The following ARID2 variants were observed in gnomAD, a reference collection of about 807,000 sequenced individuals.
The protein encoded by ARID2 is AT-rich interactive domain-containing protein 2.
ARID2 carries 32 observed loss-of-function variants against 184.6 expected under a neutral mutation model. That is an observed-to-expected ratio of 0.17 (90% CI 0.13 to 0.23). The LOEUF (loss-of-function observed/expected upper bound fraction) is 0.23, where lower values mean the gene tolerates loss of function less well. Among genes scored for constraint, ARID2 ranks in the 10% least tolerant of loss-of-function variants. The probability of loss-of-function intolerance (pLI) is 1.00; values close to 1 mark genes in which losing one functional copy is unlikely to be tolerated. For missense variants in ARID2, 1,696 were observed against 2,197.6 expected, an observed-to-expected ratio of 0.77 and a Z score of 4.56; for synonymous variants, 836 against 772.6, an observed-to-expected ratio of 1.08 and a Z score of -1.36.
chr12:45,806,836 C>G (rs1328334775), intron 3 of ARID2, among the ~76,000 whole-genome samples: 1 of 152,198 alleles, frequency 6.6e-6, no homozygotes, highest in Non-Finnish European at 1.5e-5. Flanking sequence ...ATAGTTGCTT[C>G]ACATCCCCTT....
rs1436039372 is a variant in ARID2 at position 45,850,925 on chromosome 12, A to G, written c.2802A>G (p.Gln934=). ...TAGTGATTGTAAGCCAGCCAGCTCA[A>G]CAAGGTCAAACTTATGCACCAGCCA... ...QSVVIVSQPA[Q]QGQTYAPAIH... Residue 934 remains glutamine, a synonymous_variant, in exon 15 of 21, where the codon CAA becomes CAG. Coordinates refer to ENST00000334344, the MANE Select transcript of ARID2 (RefSeq NM_152641.4). 3 of 1,614,174 alleles carry G rather than the reference A, an allele frequency of 1.9e-6. No homozygotes were observed. Among genetic ancestry groups the G allele is most frequent in the Middle Eastern group, 1.6e-4 (1 of 6,062 alleles).
Position 45,875,238 on chromosome 12 carries a change from G to A in ARID2, c.4922+14289G>A, listed in dbSNP as rs528042083. Among the ~76,000 whole-genome samples, 10 of 152,300 alleles carry A rather than the reference G, an allele frequency of 6.6e-5. No individual in the cohort carries two copies. In the South Asian group the frequency reaches 2.1e-3, roughly 32 times the overall value. ...TGTAGAGCTCCATCAGAGCTCTTGG[G>A]CACCTAGATACATTGTCAGTGAGTG... On this transcript the variant is annotated intron_variant, in intron 16 of 20. Transcript: ENST00000334344.
At chr12:45,746,525 A>T (rs535810646) in intron 3 of ARID2, among the ~76,000 whole-genome samples, 1 of 152,276 alleles carries the variant, frequency 6.6e-6, no homozygotes, top group East Asian at 1.9e-4. Flanking sequence ...ATGAAACTTT[A>T]ATAGTATACT....
rs927879377 is a variant in ARID2, at chr12:45,797,713, T to TA, written c.285-13697dup. Among the ~76,000 whole-genome samples, 540 of 151,876 alleles carry TA rather than the reference T, an allele frequency of 3.6e-3. 5 individuals carry two copies. Among genetic ancestry groups the TA allele is most frequent in the African/African-American group, 0.012 (507 of 41,470 alleles). ...GGAATTTGCTTAGTATGGCATGAGGTAAAAAAAATTAATTTTTTTTGTTTT... is the reference window on the plus strand; with the variant it reads ...GGAATTTGCTTAGTATGGCATGAGGTAAAAAAAAATTAATTTTTTTTGTTTT... On this transcript the variant is annotated intron_variant, in intron 3 of 20. Transcript: ENST00000334344.
chr12:45,759,813 C>G (rs892536255), intron 3 of ARID2, among the ~76,000 whole-genome samples: 2 of 152,150 alleles, frequency 1.3e-5, no homozygotes, highest in African/African-American at 4.8e-5. Flanking sequence ...TCTCCCATCT[C>G]AGCCTAGTAG....
intron 3 of ARID2, among the ~76,000 whole-genome samples, chr12:45,761,139 C>G (rs1348273745): frequency 2.0e-5 from 3 of 152,144 alleles, no homozygotes; most frequent in South Asian, 4.1e-4. Flanking sequence ...ATATCATATC[C>G]CTTCAGTGTC....
chr12:45,816,757 C>A (rs1942811627), intron 4 of ARID2, among the ~76,000 whole-genome samples: 2 of 152,134 alleles, frequency 1.3e-5, no homozygotes. Context: ...GGATATGAAT[C>A]TCAAGAGCAT....
chr12:45,833,953 G>A (rs559185583), intron 6 of ARID2, among the ~76,000 whole-genome samples: 2 of 152,190 alleles, frequency 1.3e-5, no homozygotes, highest in Non-Finnish European at 2.9e-5. Flanking sequence ...TCATATTCTA[G>A]CCTCCTTAGC....
At chr12:45,796,593 A>T (rs56338250) in intron 3 of ARID2, among the ~76,000 whole-genome samples, 1 of 152,104 alleles carries the variant, frequency 6.6e-6, no homozygotes, top group African/African-American at 2.4e-5. Context: ...GGCTCACTGC[A>T]ACCTCCGCCT....
At chr12:45,811,742 T>C (rs1942712623) in intron 4 of ARID2, among the ~76,000 whole-genome samples, 191 bp downstream of exon 4, 1 of 152,208 alleles carries the variant, frequency 6.6e-6, no homozygotes, top group Non-Finnish European at 1.5e-5. Flanking sequence ...AGAATTTTAG[T>C]TGCAGGAATT....
rs949391782 is a variant in ARID2, at chr12:45,872,889, A to G, written c.4922+11940A>G. On this transcript the variant is annotated intron_variant, in intron 16 of 20. Transcript: ENST00000334344. ...AGTAAATATCAATTAGATCCAGTTG[A>G]TTGATGGTGCTGTTCAATTCAACTA... Among the ~76,000 whole-genome samples the G allele has an allele frequency of 2.0e-5, 3 of 152,278 alleles. No individual in the cohort carries two copies. The East Asian group carries it at 5.8e-4, about 29-fold the overall frequency.
chr12:45,729,810 T>G lies in ARID2; in HGVS notation c.-27T>G, dbSNP rs1210468528. ...GCGCTTTTAAAACACCGATCTGGGT[T>G]TTTTAAAAACCTCCTTTGAAAAAAT... On this transcript the variant is annotated 5_prime_UTR_variant, in exon 1 of 21. Transcript: ENST00000334344. The G allele has an allele frequency of 2.5e-6, 4 of 1,584,596 alleles. No individual in the cohort carries two copies. The highest frequency in any genetic ancestry group is 2.6e-6 in the Non-Finnish European group (3 of 1,165,168).
chr12:45,846,952 T>G lies in ARID2; in HGVS notation c.1580+15T>G. ...GCTTGTCAGTGGTAAGTGGTTTATT[T>G]CTATTAAGGATTTATCCTTGGGAGG... On this transcript the variant is annotated intron_variant, in intron 12 of 20. Coordinates refer to ENST00000334344, the MANE Select transcript of ARID2 (RefSeq NM_152641.4). 6.2e-7 allele frequency: 1 copy of G among 1,609,502 alleles called. No homozygotes were observed. Among genetic ancestry groups the G allele is most frequent in the Non-Finnish European group, 8.5e-7 (1 of 1,176,338 alleles).
At chr12:45,806,731 G>A (rs1167351410) in intron 3 of ARID2, among the ~76,000 whole-genome samples, 1 of 152,026 alleles carries the variant, frequency 6.6e-6, no homozygotes, top group Non-Finnish European at 1.5e-5. Flanking sequence ...CTACTGTACT[G>A]GATTTTTTTG....
intron 3 of ARID2, among the ~76,000 whole-genome samples, chr12:45,810,673 CAG>C (rs1219742211): frequency 6.6e-6 from 1 of 152,096 alleles, no homozygotes; most frequent in Non-Finnish European, 1.5e-5. Context: ...AAGATATTCT[CAG>C]AAAATATACT....
chr12:45,765,234 G>T (rs1592062175), intron 3 of ARID2, among the ~76,000 whole-genome samples: 1 of 151,734 alleles, frequency 6.6e-6, no homozygotes, highest in African/African-American at 2.4e-5. Context: ...TTGAGACAAG[G>T]TCTCTCTCTG....
intron 2 of ARID2, among the ~76,000 whole-genome samples, chr12:45,730,534 GCGGAGACACA>G (rs954870855): frequency 4.5e-4 from 69 of 152,142 alleles, no homozygotes; most frequent in Non-Finnish European, 6.9e-4. Context: ...TCTAGCACAG[GCGGAGACACA>G]CAGAGACACA....
intron 3 of ARID2, among the ~76,000 whole-genome samples, chr12:45,738,308 T>C (rs1449739534): frequency 6.6e-6 from 1 of 152,182 alleles, no homozygotes; most frequent in Non-Finnish European, 1.5e-5. Flanking sequence ...TGGGAGATTT[T>C]ATTTATTTAT....
intron 3 of ARID2, among the ~76,000 whole-genome samples, chr12:45,758,723 C>T (rs1941617458): frequency 1.3e-5 from 2 of 152,104 alleles, no homozygotes; most frequent in African/African-American, 2.4e-5. Context: ...TCTAAGATGC[C>T]TGCTGTAGTA....
Sources: allele counts gnomAD v4.1 joint callset (sites outside exome capture counted in the v4.1 genomes callset), GRCh38; gene constraint gnomAD v4.1.1; transcripts MANE v1.5; gene names NCBI Gene and HGNC (gene_info 2026-07-23, HGNC 2026-07-21).